NACC2: variants seen among roughly 807,000 people sequenced by gnomAD.
NACC2 encodes the protein NACC family member 2, also known as nucleus accumbens-associated protein 2.
NACC2 carries 8 observed loss-of-function variants against 25.1 expected under a neutral mutation model. The ratio of observed to expected loss-of-function variants is 0.32; its 90% CI spans 0.19 to 0.57. The LOEUF is 0.57. Among genes scored for constraint, NACC2 ranks in the 20% least tolerant of loss-of-function variants. NACC2 has a pLI of 0.89. For synonymous variants in NACC2, 435 were observed against 294.7 expected (o/e 1.48, Z -4.88); for missense variants, 644 against 650.2 (o/e 0.99, Z 0.10).
intron 1 of NACC2, among the ~76,000 whole-genome samples, chr9:136,077,338 A>C (rs1314260104): frequency 6.6e-6 from 1 of 152,232 alleles, no homozygotes; most frequent in Non-Finnish European, 1.5e-5. Flanking sequence ...TCAAAAAACA[A>C]AACAAAACAA....
At position 136,023,964 on chromosome 9, in the gene NACC2, C is replaced by A. The variant is rs1482942631; in HGVS notation, c.887-7535G>T. ...CCACACAAATGCACAACCCCCCCCA[C>A]ACACACGTGCACATGCGTCAGACAT... On this transcript the variant is annotated intron_variant, in intron 2 of 5. Transcript: ENST00000277554. 2.6e-5 allele frequency among the ~76,000 whole-genome samples: 4 copies of A among 152,320 alleles called. No individual in the cohort carries two copies. The South Asian group carries it at 6.2e-4, about 24-fold the overall frequency.
At chr9:136,085,755 A>G (rs1370563528) in intron 1 of NACC2, among the ~76,000 whole-genome samples, 1 of 152,230 alleles carries the variant, frequency 6.6e-6, no homozygotes, top group African/African-American at 2.4e-5. Flanking sequence ...TGTAAGTTTA[A>G]TTACTTTATC....
Position 136,016,247 on chromosome 9 carries a change from G to T in NACC2, c.1051+18C>A, listed in dbSNP as rs1221691752. 1 of 1,612,190 alleles carries T rather than the reference G, an allele frequency of 6.2e-7. No homozygotes were observed. The highest frequency in any genetic ancestry group is 1.7e-5 in the Admixed American group (1 of 60,022). ...TGAGGACATTTGCATACAATAGATG[G>T]GTGGGAGGCAGCCTCACCTGCCACC... On this transcript the variant is annotated intron_variant, in intron 3 of 5. Coordinates refer to ENST00000277554, the MANE Select transcript of NACC2 (RefSeq NM_144653.5).
chr9:136,020,325 A>T lies in NACC2; in HGVS notation c.887-3896T>A, dbSNP rs1368571527. Among the ~76,000 whole-genome samples, 1 of 152,158 alleles carries T rather than the reference A, an allele frequency of 6.6e-6. No individual in the cohort carries two copies. The highest frequency in any genetic ancestry group is 1.5e-5 in the Non-Finnish European group (1 of 68,024). On this transcript the variant is annotated intron_variant, in intron 2 of 5. Transcript: ENST00000277554. This position sits in a 1 kb window ranked among gnomAD's most constrained non-coding sequence, Gnocchi z 4.7. Reference sequence around the variant, plus strand: ...GAGGTGCTCCACGTCCTCACCAGGCAAAACACCCCGAGATCCCTGCCCACG... The same window carrying T: ...GAGGTGCTCCACGTCCTCACCAGGCTAAACACCCCGAGATCCCTGCCCACG...
intron 2 of NACC2, among the ~76,000 whole-genome samples, chr9:136,025,172 C>T (rs1000578999): frequency 4.7e-4 from 71 of 152,190 alleles, no homozygotes; most frequent in African/African-American, 1.5e-3. Context: ...CTACAGGCTA[C>T]GGTGTGAGGC....
chr9:136,092,051 G>A (rs1830439232), intron 1 of NACC2, among the ~76,000 whole-genome samples: 1 of 152,168 alleles, frequency 6.6e-6, no homozygotes, highest in Non-Finnish European at 1.5e-5. Context: ...GGATTAGGGG[G>A]CGCCTCAGGG....
At chr9:136,056,268 A>C (rs1488871330) in intron 1 of NACC2, among the ~76,000 whole-genome samples, 2 of 152,172 alleles carry the variant, frequency 1.3e-5, no homozygotes, top group African/African-American at 4.8e-5. Context: ...CCTGGCTGCT[A>C]ATGGAACCAC....
intron 2 of NACC2, among the ~76,000 whole-genome samples, chr9:136,037,924 C>G (rs1305875468): frequency 6.6e-6 from 1 of 152,036 alleles, no homozygotes; most frequent in Non-Finnish European, 1.5e-5. Context: ...CAGCTTAGTT[C>G]ATAATTATTA....
intron 1 of NACC2, among the ~76,000 whole-genome samples, chr9:136,053,831 C>T (rs964827506): frequency 6.6e-6 from 1 of 152,240 alleles, no homozygotes; most frequent in African/African-American, 2.4e-5. Context: ...CAGCACGGCG[C>T]ACCGGTTCCT....
At chr9:136,026,872 G>A (rs1260609590) in intron 2 of NACC2, among the ~76,000 whole-genome samples, 4 of 152,178 alleles carry the variant, frequency 2.6e-5, no homozygotes, top group Non-Finnish European at 5.9e-5. Context: ...TGGACAAGAC[G>A]GTAGATTAAC....
intron 1 of NACC2, among the ~76,000 whole-genome samples, chr9:136,092,719 T>G (rs1202650746): frequency 6.6e-6 from 1 of 152,180 alleles, no homozygotes; most frequent in Non-Finnish European, 1.5e-5. Flanking sequence ...GGCCCCATAG[T>G]CAAGTTCCCA....
chr9:136,073,990 T>TC (rs1830228272), intron 1 of NACC2, among the ~76,000 whole-genome samples: 1 of 152,108 alleles, frequency 6.6e-6, no homozygotes, highest in Non-Finnish European at 1.5e-5. Flanking sequence ...CTCCGTCATG[T>TC]CCTTGACTAT....
chr9:136,083,747 G>A (rs1830349737), intron 1 of NACC2, among the ~76,000 whole-genome samples: 1 of 152,234 alleles, frequency 6.6e-6, no homozygotes, highest in African/African-American at 2.4e-5. Context: ...AGAAATTCCT[G>A]CTGTTTCAGG....
intron 2 of NACC2, among the ~76,000 whole-genome samples, chr9:136,045,518 T>C (rs1840709656): frequency 6.6e-6 from 1 of 152,182 alleles, no homozygotes; most frequent in Non-Finnish European, 1.5e-5. Context: ...CCGAAGCCAC[T>C]GCTGAGGGCA....
chr9:136,078,762 T>C (rs1830290592), intron 1 of NACC2, among the ~76,000 whole-genome samples: 1 of 152,344 alleles, frequency 6.6e-6, no homozygotes, highest in Middle Eastern at 3.4e-3. Flanking sequence ...ATCACGAGTG[T>C]GGCACCACAG....
chr9:136,063,924 G>A (rs1841047776), intron 1 of NACC2, among the ~76,000 whole-genome samples: 2 of 151,304 alleles, frequency 1.3e-5, no homozygotes, highest in African/African-American at 2.4e-5. Flanking sequence ...CACTTAAACA[G>A]CTGTGCCCTC....
chr9:136,024,503 ATGTGTGTGTGTGTG>A (rs139555936), intron 2 of NACC2, among the ~76,000 whole-genome samples: 13 of 124,764 alleles, frequency 1.0e-4, no homozygotes, highest in African/African-American at 3.5e-4. Flanking sequence ...TGAGGACAGA[ATGTGTGTGTGTGTG>A]TGTGTGTGTG....
At chr9:136,075,420 G>A (rs1295828023) in intron 1 of NACC2, among the ~76,000 whole-genome samples, 1 of 152,250 alleles carries the variant, frequency 6.6e-6, no homozygotes, top group Non-Finnish European at 1.5e-5. Flanking sequence ...TTGGAACTCG[G>A]AGGCGAATGT....
At position 136,078,991 on chromosome 9, in the gene NACC2, T is replaced by G. The variant is rs377620515; in HGVS notation, c.-60+16198A>C. On this transcript the variant is annotated intron_variant, in intron 1 of 5. Coordinates refer to ENST00000277554, the MANE Select transcript of NACC2 (RefSeq NM_144653.5). ...CCGCGCCGCCGCCGCCCCTCTCCGATTCCCTAACGGTTCCCGAGGGAGCAC... is the reference window on the plus strand; with the variant it reads ...CCGCGCCGCCGCCGCCCCTCTCCGAGTCCCTAACGGTTCCCGAGGGAGCAC... 3.3e-5 allele frequency among the ~76,000 whole-genome samples: 5 copies of G among 151,952 alleles called. No individual in the cohort carries two copies. The East Asian group carries it at 7.7e-4, about 24-fold the overall frequency.
Sources: gnomAD v4.1 joint callset for allele counts (sites outside exome capture counted in the v4.1 genomes callset) on GRCh38, gnomAD v4.1.1 for gene constraint, Gnocchi (gnomAD v3.1) non-coding constraint, MANE v1.5 for transcripts, NCBI Gene and HGNC (gene_info 2026-07-23, HGNC 2026-07-21) for gene names.